The following KCNJ15 variants were observed in gnomAD, a reference collection of about 807,000 sequenced individuals.
KCNJ15 encodes the protein potassium inwardly rectifying channel subfamily J member 15, also known as ATP-sensitive inward rectifier potassium channel 15.
In KCNJ15, 14 loss-of-function variants were observed where a neutral mutation model predicts 23.0. That is an observed-to-expected ratio of 0.61 (90% CI 0.40 to 0.95). The LOEUF (loss-of-function observed/expected upper bound fraction) is 0.95, where lower values mean the gene tolerates loss of function less well. KCNJ15 is among the 40% of genes least tolerant of loss of function. The probability of loss-of-function intolerance (pLI) is 0.00; values close to 1 mark genes in which losing one functional copy is unlikely to be tolerated. For missense variants in KCNJ15, 388 were observed against 461.8 expected, an observed-to-expected ratio of 0.84 and a Z score of 1.46; for synonymous variants, 185 against 183.2, an observed-to-expected ratio of 1.01 and a Z score of -0.08.
intron 1 of KCNJ15, among the ~76,000 whole-genome samples, chr21:38,286,323 T>G (rs1329540414): frequency 6.6e-6 from 1 of 152,330 alleles, no homozygotes; most frequent in East Asian, 1.9e-4. Context: ...AGTAAGGCTA[T>G]GAAGACCAAG....
chr21:38,275,320 A>G (rs1423415076), intron 1 of KCNJ15, among the ~76,000 whole-genome samples: 1 of 152,016 alleles, frequency 6.6e-6, no homozygotes, highest in African/African-American at 2.4e-5. Context: ...AACCCGCATC[A>G]CCTTTTAAAA....
chr21:38,292,414 G>A (rs1347065360), intron 1 of KCNJ15, among the ~76,000 whole-genome samples: 1 of 152,102 alleles, frequency 6.6e-6, no homozygotes, highest in Non-Finnish European at 1.5e-5. Flanking sequence ...AGGCCACTAG[G>A]TCCTTAAACT....
upstream of KCNJ15, among the ~76,000 whole-genome samples, chr21:38,255,868 G>A (rs1332026429): frequency 6.6e-6 from 1 of 152,186 alleles, no homozygotes; most frequent in African/African-American, 2.4e-5. Flanking sequence ...TCTGCTCTAT[G>A]TCAAACCAGA....
intron 2 of KCNJ15, among the ~76,000 whole-genome samples, chr21:38,297,419 G>A (rs1240013353): frequency 2.0e-5 from 3 of 152,208 alleles, no homozygotes; most frequent in African/African-American, 4.8e-5. Flanking sequence ...CAGGACACTT[G>A]TGTATCACTC....
chr21:38,240,798 C>A (rs1273337440), intron 1 of KCNJ15, among the ~76,000 whole-genome samples: 1 of 152,190 alleles, frequency 6.6e-6, no homozygotes, highest in African/African-American at 2.4e-5. Flanking sequence ...TGATGAGCAT[C>A]ATACTTTGGC....
chr21:38,230,344 T>G (rs1988698515), intron 1 of KCNJ15, among the ~76,000 whole-genome samples: 1 of 152,152 alleles, frequency 6.6e-6, no homozygotes, highest in South Asian at 2.1e-4. Flanking sequence ...AAATGTCTAT[T>G]TAGATCCATT....
intron 1 of KCNJ15, among the ~76,000 whole-genome samples, chr21:38,233,290 T>G (rs1238525661): frequency 6.6e-6 from 1 of 152,148 alleles, no homozygotes; most frequent in Non-Finnish European, 1.5e-5. Flanking sequence ...AAGTTGCTAG[T>G]GGCACGACAT....
chr21:38,299,404 T>C lies in KCNJ15; in HGVS notation c.143T>C (p.Leu48Pro), dbSNP rs1310996982. The C allele has an allele frequency of 6.2e-7, 1 of 1,614,194 alleles. No individual in the cohort carries two copies. Among genetic ancestry groups the C allele is most frequent in the East Asian group, 2.2e-5 (1 of 44,874 alleles). Residue 48 changes from leucine (L) to proline (P), a missense_variant, in exon 3 of 3, where the codon CTA becomes CCA. Leu to Pro is a moderately conservative substitution (Grantham distance 98, BLOSUM62 -3). Coordinates refer to ENST00000398938, the MANE Select transcript of KCNJ15 (RefSeq NM_170736.3). The surrounding 1 kb of genome is among the most constrained non-coding windows in gnomAD (Gnocchi z 4.5). Reference sequence around the variant, plus strand: ...ATTGACAAAGTGGATGGCATATACCTACTCTACCTGCAAGACCTGTGGACC... The same window carrying C: ...ATTGACAAAGTGGATGGCATATACCCACTCTACCTGCAAGACCTGTGGACC... Reference protein sequence around the residue: ...VRIDKVDGIYLLYLQDLWTTV... With the variant: ...VRIDKVDGIYPLYLQDLWTTV...
chr21:38,253,691 AT>A (rs943633877), upstream of KCNJ15, among the ~76,000 whole-genome samples: 2 of 151,022 alleles, frequency 1.3e-5, no homozygotes, highest in African/African-American at 2.4e-5. Context: ...ACATTATAGC[AT>A]TTTTTTTTCT....
chr21:38,246,342 A>G (rs868767625), intron 1 of KCNJ15, among the ~76,000 whole-genome samples: 11 of 152,244 alleles, frequency 7.2e-5, no homozygotes, highest in African/African-American at 2.4e-4. Flanking sequence ...GCCAATTTCA[A>G]TCAGATCCAG....
chr21:38,262,985 A>C (rs1313163066), intron 1 of KCNJ15, among the ~76,000 whole-genome samples: 1 of 152,140 alleles, frequency 6.6e-6, no homozygotes, highest in African/African-American at 2.4e-5. Flanking sequence ...GCCGACATTG[A>C]TATCTTAACG....
chr21:38,293,291 T>TTTTGTA (rs1984808645), intron 1 of KCNJ15, among the ~76,000 whole-genome samples: 1 of 152,164 alleles, frequency 6.6e-6, no homozygotes, highest in Non-Finnish European at 1.5e-5. Context: ...AGCCATGTGA[T>TTTTGTA]GATCCCGACA....
At chr21:38,239,937 A>G (rs1978874020) in intron 1 of KCNJ15, among the ~76,000 whole-genome samples, 1 of 152,204 alleles carries the variant, frequency 6.6e-6, no homozygotes, top group African/African-American at 2.4e-5. Flanking sequence ...AAAACATTAG[A>G]ACAAGAATTG....
intron 1 of KCNJ15, chr21:38,267,316 G>A (rs1203184807): frequency 6.6e-6 from 1 of 152,254 alleles, no homozygotes. Context: ...TGGAAACAGA[G>A]ACTGGATCCC....
At chr21:38,241,627 C>T (rs1439065396) in intron 1 of KCNJ15, among the ~76,000 whole-genome samples, 21 of 152,118 alleles carry the variant, frequency 1.4e-4, no homozygotes, top group Non-Finnish European at 5.9e-5. Flanking sequence ...CTGGGATTTC[C>T]ACCCTTCATG....
chr21:38,297,649 A>G (rs1985298532), intron 2 of KCNJ15, among the ~76,000 whole-genome samples: 1 of 152,238 alleles, frequency 6.6e-6, no homozygotes, highest in Non-Finnish European at 1.5e-5. Context: ...TACACTGAGA[A>G]GTGTTGCTGA....
intron 1 of KCNJ15, among the ~76,000 whole-genome samples, chr21:38,265,878 T>G (rs1981408430): frequency 6.6e-6 from 1 of 152,184 alleles, no homozygotes; most frequent in South Asian, 2.1e-4. Context: ...TTGGGATGAC[T>G]GTAAGAGGCA....
chr21:38,241,416 C>T (rs905892607), intron 1 of KCNJ15, among the ~76,000 whole-genome samples: 1 of 152,206 alleles, frequency 6.6e-6, no homozygotes, highest in Non-Finnish European at 1.5e-5. Context: ...CCCACAGTCT[C>T]TGTGACGGGG....
At chr21:38,278,425 C>G (rs1982966579) in intron 1 of KCNJ15, among the ~76,000 whole-genome samples, 1 of 152,182 alleles carries the variant, frequency 6.6e-6, no homozygotes, top group Non-Finnish European at 1.5e-5. Flanking sequence ...CAGCATTACT[C>G]TGAAGTGTGG....
Sources: gnomAD v4.1 joint callset for allele counts (sites outside exome capture counted in the v4.1 genomes callset) on GRCh38, gnomAD v4.1.1 for gene constraint, Gnocchi (gnomAD v3.1) non-coding constraint, MANE v1.5 for transcripts, NCBI Gene and HGNC (gene_info 2026-07-23, HGNC 2026-07-21) for gene names.